Variants in MRTFA observed in about 807,000 individuals in gnomAD.
The protein encoded by MRTFA is myocardin-related transcription factor A.
Under a neutral mutation model 83.5 loss-of-function variants are expected in MRTFA, and 20 were observed. The observed-to-expected ratio is 0.24, with a 90% CI of 0.17 to 0.35. The LOEUF is 0.35. MRTFA is among the 10% of genes least tolerant of loss of function. The pLI is 1.00. For missense variants in MRTFA, 1,200 were observed against 1,224.7 expected (o/e 0.98, Z 0.30); for synonymous variants, 659 against 541.2 (o/e 1.22, Z -3.02).
intron 4 of MRTFA, among the ~76,000 whole-genome samples, chr22:40,451,222 C>T (rs2053480033): frequency 6.6e-6 from 1 of 152,080 alleles, no homozygotes; most frequent in East Asian, 1.9e-4. Context: ...AAAATGCCTA[C>T]AAAAATCCTT....
chr22:40,528,739 A>C (rs1484321641), intron 3 of MRTFA, among the ~76,000 whole-genome samples: 1 of 17,254 alleles, frequency 5.8e-5, no homozygotes, highest in East Asian at 1.6e-3. Flanking sequence ...CTCTGCTTCA[A>C]AAAAAAAAAA....
intron 2 of MRTFA, among the ~76,000 whole-genome samples, chr22:40,554,320 G>A (rs367756300): frequency 1.3e-5 from 2 of 152,152 alleles, no homozygotes; most frequent in Admixed American, 1.3e-4. Flanking sequence ...TGGTTTGGCT[G>A]TGTCCCCACC....
chr22:40,416,885 G>C lies in MRTFA; in HGVS notation c.2578+101C>G. The C allele has an allele frequency of 2.6e-6, 3 of 1,138,196 alleles. No individual in the cohort carries two copies. Among genetic ancestry groups the C allele is most frequent in the Non-Finnish European group, 3.8e-6 (3 of 782,710 alleles). The allele number at this position is 1,138,196 out of a possible 1,614,324, so 70.5% of individuals were successfully genotyped here. The stretch of plus-strand genomic sequence containing the variant: ...CATCCACAGTGCTTGCCCAAGACTG[G>C]TCACGCACGGAAGCATTCAATAAAA... On this transcript the variant is annotated intron_variant, in intron 14 of 14. Coordinates refer to ENST00000355630, the MANE Select transcript of MRTFA (RefSeq NM_020831.6). The surrounding 1 kb of genome is among the most constrained non-coding windows in gnomAD (Gnocchi z 4.2).
Position 40,416,901 on chromosome 22 carries a change from T to G in MRTFA, c.2578+85A>C. ...CCAAGACTGGTCACGCACGGAAGCA[T>G]TCAATAAAAACAAACCAACCCAGGG... On this transcript the variant is annotated intron_variant, in intron 14 of 14. Transcript: ENST00000355630. This position sits in a 1 kb window ranked among gnomAD's most constrained non-coding sequence, Gnocchi z 4.2. The G allele has an allele frequency of 7.7e-7, 1 of 1,303,026 alleles. No individual in the cohort carries two copies. The highest frequency in any genetic ancestry group is 1.1e-6 in the Non-Finnish European group (1 of 929,898). The allele number at this position is 1,303,026 out of a possible 1,614,324, so 80.7% of individuals were successfully genotyped here. A position where few individuals can be genotyped will look rare whatever the true frequency, so the allele number is the denominator to read the frequency against.
intron 1 of MRTFA, among the ~76,000 whole-genome samples, chr22:40,623,322 T>A (rs993252663): frequency 6.6e-6 from 1 of 152,154 alleles, no homozygotes; most frequent in African/African-American, 2.4e-5. Context: ...TACTGTCTTT[T>A]TTTTTTATTA....
At position 40,435,599 on chromosome 22, in the gene MRTFA, A is replaced by T. The variant is rs767016818; in HGVS notation, c.308-45T>A. ...AAAGATTACCTTCAAGCGAAGCATC[A>T]TGTCTAGTGCTACGATATTCAGTGG... On this transcript the variant is annotated intron_variant, in intron 4 of 14. Coordinates refer to ENST00000355630, the MANE Select transcript of MRTFA (RefSeq NM_020831.6). 7 of 1,597,828 alleles carry T rather than the reference A, an allele frequency of 4.4e-6. No individual in the cohort carries two copies. The African/African-American group carries it at 5.4e-5, about 12-fold the overall frequency.
chr22:40,483,222 G>C (rs2054119508), intron 3 of MRTFA, among the ~76,000 whole-genome samples: 2 of 151,826 alleles, frequency 1.3e-5, no homozygotes, highest in Non-Finnish European at 2.9e-5. Context: ...CACCACGTCT[G>C]GCTAATTTTA....
At chr22:40,453,103 A>C (rs1316040276) in intron 4 of MRTFA, among the ~76,000 whole-genome samples, 1 of 152,210 alleles carries the variant, frequency 6.6e-6, no homozygotes, top group Non-Finnish European at 1.5e-5. Context: ...ATAAAAGAGA[A>C]GATTCCTGAA....
intron 3 of MRTFA, among the ~76,000 whole-genome samples, chr22:40,509,849 C>T (rs1195446352): frequency 6.6e-6 from 1 of 151,660 alleles, no homozygotes; most frequent in Non-Finnish European, 1.5e-5. Flanking sequence ...AATTTCCAGC[C>T]CCAGTGCAAG....
At chr22:40,505,229 C>T (rs111977466) in intron 3 of MRTFA, among the ~76,000 whole-genome samples, 4 of 152,290 alleles carry the variant, frequency 2.6e-5, no homozygotes, top group African/African-American at 7.2e-5. Context: ...CCCCTGCTAA[C>T]GATAACATCT....
intron 3 of MRTFA, among the ~76,000 whole-genome samples, chr22:40,511,746 T>C (rs1282182408): frequency 2.6e-5 from 4 of 152,214 alleles, no homozygotes; most frequent in East Asian, 1.9e-4. Flanking sequence ...GCAGTGCCAG[T>C]AGTAACAGAT....
At chr22:40,508,408 A>G (rs2054614399) in intron 3 of MRTFA, among the ~76,000 whole-genome samples, 1 of 147,240 alleles carries the variant, frequency 6.8e-6, no homozygotes. Context: ...GCTACTCAGG[A>G]GGCTGAGGCA....
At chr22:40,549,725 G>A (rs1003895140) in intron 3 of MRTFA, among the ~76,000 whole-genome samples, 6 of 152,188 alleles carry the variant, frequency 3.9e-5, no homozygotes, top group African/African-American at 1.4e-4. Context: ...AGGAGTACTA[G>A]TGTCTGCAAT....
At chr22:40,417,780 G>A in intron 12 of MRTFA, 1 of 415,548 alleles carries the variant, frequency 2.4e-6, no homozygotes, top group Non-Finnish European at 4.3e-6. Context: ...TCTCTGCTTG[G>A]GGCTGCTCAG....
At chr22:40,452,920 C>T (rs188442483) in intron 4 of MRTFA, among the ~76,000 whole-genome samples, 4 of 152,162 alleles carry the variant, frequency 2.6e-5, no homozygotes, top group African/African-American at 9.6e-5. Context: ...CATGAACACA[C>T]CACTCACTGC....
chr22:40,519,188 C>T (rs1238555755), intron 3 of MRTFA, among the ~76,000 whole-genome samples: 2 of 151,996 alleles, frequency 1.3e-5, no homozygotes, highest in Non-Finnish European at 2.9e-5. Flanking sequence ...AAAGATGTGT[C>T]CACCTGTGAG....
At chr22:40,458,227 A>G (rs1007308707) in intron 4 of MRTFA, among the ~76,000 whole-genome samples, 2 of 152,360 alleles carry the variant, frequency 1.3e-5, no homozygotes, top group East Asian at 1.9e-4. Flanking sequence ...AGCCTCTGCT[A>G]TCTGGCACTC....
chr22:40,565,831 G>C (rs2055695252), intron 2 of MRTFA, among the ~76,000 whole-genome samples: 1 of 152,222 alleles, frequency 6.6e-6, no homozygotes, highest in Non-Finnish European at 1.5e-5. Context: ...ATATCCGAAA[G>C]AGACTTGTAT....
At chr22:40,527,131 T>TATAC (rs2054989352) in intron 3 of MRTFA, among the ~76,000 whole-genome samples, 1 of 146,378 alleles carries the variant, frequency 6.8e-6, no homozygotes, top group East Asian at 2.0e-4. Flanking sequence ...GCCTCAAAGA[T>TATAC]ACACACACAC....
Sources: gnomAD v4.1 joint callset for allele counts (sites outside exome capture counted in the v4.1 genomes callset) on GRCh38, gnomAD v4.1.1 for gene constraint, Gnocchi (gnomAD v3.1) non-coding constraint, MANE v1.5 for transcripts, NCBI Gene and HGNC (gene_info 2026-07-23, HGNC 2026-07-21) for gene names.